CUL5: variants seen among roughly 807,000 people sequenced by gnomAD.
CUL5 encodes cullin 5, also known as cullin-5.
CUL5 carries 26 observed loss-of-function variants against 108.8 expected under a neutral mutation model. The ratio of observed to expected loss-of-function variants is 0.24; its 90% CI spans 0.18 to 0.33. The LOEUF (loss-of-function observed/expected upper bound fraction) is 0.33, where lower values mean the gene tolerates loss of function less well. CUL5 is among the 10% of genes least tolerant of loss of function. The probability of loss-of-function intolerance (pLI) is 1.00; values close to 1 mark genes in which losing one functional copy is unlikely to be tolerated. For missense variants in CUL5, 524 were observed against 909.2 expected, an observed-to-expected ratio of 0.58 and a Z score of 5.45; for synonymous variants, 334 against 298.0, an observed-to-expected ratio of 1.12 and a Z score of -1.25.
At chr11:108,045,580 A>G (rs1211005753) in intron 2 of CUL5, among the ~76,000 whole-genome samples, 1 of 152,032 alleles carries the variant, frequency 6.6e-6, no homozygotes, top group Non-Finnish European at 1.5e-5. Context: ...GTATATAACA[A>G]AGCTGGGCAT....
intron 1 of CUL5, among the ~76,000 whole-genome samples, chr11:108,024,479 G>A (rs1862408025): frequency 6.6e-6 from 1 of 152,190 alleles, no homozygotes; most frequent in African/African-American, 2.4e-5. Context: ...TAGGATAGTT[G>A]TGAAGATTAA....
intron 7 of CUL5, among the ~76,000 whole-genome samples, chr11:108,056,634 T>TA (rs754202739): frequency 2.6e-5 from 4 of 152,152 alleles, no homozygotes; most frequent in Non-Finnish European, 5.9e-5. Flanking sequence ...ACTTTTTTTT[T>TA]AAACAGGTGG....
chr11:108,032,666 T>G (rs924584919), intron 1 of CUL5, among the ~76,000 whole-genome samples: 3 of 152,182 alleles, frequency 2.0e-5, no homozygotes, highest in Non-Finnish European at 4.4e-5. Context: ...ATTCCAGAGA[T>G]AAACTGTATG....
chr11:108,086,914 A>G (rs1864233417), intron 11 of CUL5, among the ~76,000 whole-genome samples: 1 of 152,186 alleles, frequency 6.6e-6, no homozygotes, highest in Non-Finnish European at 1.5e-5. Flanking sequence ...GATAGTTTCT[A>G]CTTCTTTGCT....
chr11:108,075,020 T>G (rs1290723587), intron 10 of CUL5, among the ~76,000 whole-genome samples: 2 of 152,044 alleles, frequency 1.3e-5, no homozygotes, highest in Non-Finnish European at 2.9e-5. Flanking sequence ...TTAAACAGAA[T>G]GGTAGAATGT....
At position 108,048,648 on chromosome 11, in the gene CUL5, C is replaced by CTTTTTT. The variant is rs200991204; in HGVS notation, c.235-1211_235-1206dup. On this transcript the variant is annotated intron_variant, in intron 3 of 18. Transcript: ENST00000393094. ...ATAGTGGGGAAATAGACTCCACCACCTTTTTTTTTTTTTTTTTTTTTTTTT... is the reference window on the plus strand; with the variant it reads ...ATAGTGGGGAAATAGACTCCACCACCTTTTTTTTTTTTTTTTTTTTTTTTTTTTTTT... Among the ~76,000 whole-genome samples, 21 of 116,870 alleles carry CTTTTTT rather than the reference C, an allele frequency of 1.8e-4. 2 individuals are homozygous for CTTTTTT. Among genetic ancestry groups the CTTTTTT allele is most frequent in the East Asian group, 6.6e-4 (3 of 4,560 alleles). The allele number at this position is 116,870 out of a possible 152,430, so 76.7% of individuals were successfully genotyped here.
At chr11:108,087,857 C>T (rs1047972670) in intron 11 of CUL5, among the ~76,000 whole-genome samples, 1 of 151,980 alleles carries the variant, frequency 6.6e-6, no homozygotes, top group African/African-American at 2.4e-5. Context: ...CCCGGCTGCT[C>T]TGGAGGCTGA....
At chr11:108,098,591 T>TA (rs1288814601) in intron 18 of CUL5, 62 bp downstream of exon 18, 154 of 994,418 alleles carry the variant, frequency 1.5e-4, no homozygotes, top group Non-Finnish European at 1.8e-4. Context: ...TTTTTTTTTT[T>TA]AAATTTTGAA....
chr11:108,016,876 A>G (rs1227044796), intron 1 of CUL5, among the ~76,000 whole-genome samples: 3 of 152,174 alleles, frequency 2.0e-5, no homozygotes, highest in Non-Finnish European at 4.4e-5. Flanking sequence ...CTCATGCCCA[A>G]CACTTTGGAA....
rs1862744698 is a variant in CUL5, at chr11:108,036,401, A to G, written c.134+2490A>G. ...AATGACTAGCAGCATATTACATATT[A>G]TGTCAGTTTTGATTATACATCTAGA... On this transcript the variant is annotated intron_variant, in intron 2 of 18. Transcript: ENST00000393094. Among the ~76,000 whole-genome samples, 4 of 152,326 alleles carry G rather than the reference A, an allele frequency of 2.6e-5. No individual in the cohort carries two copies. In the South Asian group the frequency reaches 6.2e-4, roughly 24 times the overall value.
chr11:108,054,568 C>G, intron 5 of CUL5, 79 bp from the exon 6 acceptor site: 1 of 990,364 alleles, frequency 1.0e-6, no homozygotes, highest in Non-Finnish European at 1.5e-6. Flanking sequence ...AATGACTCCT[C>G]AATATTTATT....
intron 1 of CUL5, among the ~76,000 whole-genome samples, chr11:108,018,583 G>A (rs1591273058): frequency 1.3e-5 from 2 of 152,156 alleles, no homozygotes; most frequent in African/African-American, 2.4e-5. Context: ...GCTGAGGCAG[G>A]AGAATCACTT....
intron 1 of CUL5, among the ~76,000 whole-genome samples, chr11:108,015,885 G>GA (rs1351446409): frequency 6.6e-6 from 1 of 152,120 alleles, no homozygotes; most frequent in Non-Finnish European, 1.5e-5. Flanking sequence ...GTAGAAAGAG[G>GA]ATACTAGGCA....
At chr11:108,095,054 T>C (rs1030591556) in intron 15 of CUL5, 67 bp downstream of exon 15, 2 of 1,332,558 alleles carry the variant, frequency 1.5e-6, no homozygotes, top group Non-Finnish European at 2.1e-6. Flanking sequence ...CTCCGCAGAA[T>C]TGCTTAAACA....
chr11:108,035,710 G>C (rs1415463034), intron 2 of CUL5, among the ~76,000 whole-genome samples: 2 of 151,642 alleles, frequency 1.3e-5, no homozygotes, highest in African/African-American at 4.8e-5. Flanking sequence ...AGCCGTGACT[G>C]TGCCACTACA....
At chr11:108,048,693 T>G (rs991863660) in intron 3 of CUL5, among the ~76,000 whole-genome samples, 3 of 139,974 alleles carry the variant, frequency 2.1e-5, no homozygotes, top group Non-Finnish European at 4.5e-5. Context: ...TTGAGGTGGA[T>G]TCTCACTTTG....
intron 2 of CUL5, among the ~76,000 whole-genome samples, chr11:108,041,374 C>G (rs1474339487): frequency 6.7e-6 from 1 of 149,068 alleles, no homozygotes; most frequent in Non-Finnish European, 1.5e-5. Flanking sequence ...GCCTCCCAGG[C>G]TCAAGCGATT....
At chr11:108,096,243 A>G (rs1864490842) in intron 16 of CUL5, among the ~76,000 whole-genome samples, 2 of 151,710 alleles carry the variant, frequency 1.3e-5, no homozygotes, top group East Asian at 3.9e-4. Flanking sequence ...TAATCCCAGC[A>G]CTTTGGGAGG....
At chr11:108,088,459 G>C in intron 11 of CUL5, 68 bp from the exon 12 acceptor site, 1 of 1,473,212 alleles carries the variant, frequency 6.8e-7, no homozygotes, top group Non-Finnish European at 9.2e-7. Flanking sequence ...GTGAATCATT[G>C]ACTTTAGAAA....
Sources: gnomAD v4.1 joint callset for allele counts (sites outside exome capture counted in the v4.1 genomes callset) on GRCh38, gnomAD v4.1.1 for gene constraint, MANE v1.5 for transcripts, NCBI Gene and HGNC (gene_info 2026-07-23, HGNC 2026-07-21) for gene names.